AFG1L: variants seen among roughly 807,000 people sequenced by gnomAD.
AFG1L encodes AFG1-like ATPase.
In AFG1L, 53 loss-of-function variants were observed where a neutral mutation model predicts 62.2. The observed-to-expected ratio is 0.85, with a 90% CI of 0.68 to 1.07. The LOEUF is 1.07. Ranked by LOEUF, AFG1L falls within the 50% of genes least tolerant of loss-of-function variation. The pLI, the probability that AFG1L is intolerant of heterozygous loss-of-function variation, is 0.00. For missense variants in AFG1L, 555 were observed against 590.5 expected, an observed-to-expected ratio of 0.94 and a Z score of 0.62; for synonymous variants, 228 against 210.3, an observed-to-expected ratio of 1.08 and a Z score of -0.73.
intron 8 of AFG1L, among the ~76,000 whole-genome samples, chr6:108,462,066 G>T (rs1274128410): frequency 6.6e-6 from 1 of 151,820 alleles, no homozygotes; most frequent in African/African-American, 2.4e-5. Context: ...CTGCACTCTA[G>T]CCTGGGCGAC....
intron 10 of AFG1L, among the ~76,000 whole-genome samples, chr6:108,502,332 A>G (rs1168241839): frequency 6.6e-6 from 1 of 152,128 alleles, no homozygotes; most frequent in South Asian, 2.1e-4. Flanking sequence ...CAGCCTCCTG[A>G]GTAGCTGGGA....
intron 10 of AFG1L, among the ~76,000 whole-genome samples, chr6:108,480,501 A>G (rs1190125962): frequency 6.6e-6 from 1 of 152,188 alleles, no homozygotes; most frequent in Admixed American, 6.5e-5. Context: ...GTTCTGGACA[A>G]GTTTTTCCTC....
At chr6:108,338,743 G>A (rs780002197) in intron 2 of AFG1L, among the ~76,000 whole-genome samples, 1 of 152,152 alleles carries the variant, frequency 6.6e-6, no homozygotes, top group Non-Finnish European at 1.5e-5. Context: ...AATGCTTTAT[G>A]CAATAAACTT....
At chr6:108,499,474 ATGCC>A (rs949740414) in intron 10 of AFG1L, among the ~76,000 whole-genome samples, 51 of 150,512 alleles carry the variant, frequency 3.4e-4, no homozygotes, top group African/African-American at 1.2e-3. Context: ...ATGGTTGCTT[ATGCC>A]TGTAATCCCA....
Position 108,345,886 on chromosome 6 carries a change from G to C in AFG1L, c.364-1102G>C, listed in dbSNP as rs75634057. 4.3e-3 allele frequency among the ~76,000 whole-genome samples: 651 copies of C among 152,300 alleles called. 5 individuals are homozygous for C. Among genetic ancestry groups the C allele is most frequent in the African/African-American group, 0.014 (576 of 41,560 alleles). On this transcript the variant is annotated intron_variant, in intron 2 of 12. Coordinates refer to ENST00000368977, the MANE Select transcript of AFG1L (RefSeq NM_145315.5). Reference sequence around the variant, plus strand: ...TTTCTTTGGGAGAAGCTTAACCAGTGTAAGTGCCTTCTGGCCTTTTTATCT... The same window carrying C: ...TTTCTTTGGGAGAAGCTTAACCAGTCTAAGTGCCTTCTGGCCTTTTTATCT...
At chr6:108,434,510 C>T (rs1303971594) in intron 7 of AFG1L, among the ~76,000 whole-genome samples, 2 of 152,170 alleles carry the variant, frequency 1.3e-5, no homozygotes, top group African/African-American at 4.8e-5. Context: ...ATCCACTTCT[C>T]TCTCTCCTTA....
At chr6:108,425,628 A>ATGTG (rs1770777715) in intron 7 of AFG1L, among the ~76,000 whole-genome samples, 1 of 151,992 alleles carries the variant, frequency 6.6e-6, no homozygotes, top group African/African-American at 2.4e-5. Context: ...GTTGCACAAT[A>ATGTG]TGTGTGTGTG....
At chr6:108,418,447 A>G (rs898700198) in intron 7 of AFG1L, among the ~76,000 whole-genome samples, 4 of 152,202 alleles carry the variant, frequency 2.6e-5, no homozygotes, top group African/African-American at 7.2e-5. Context: ...TATAATATAC[A>G]AAGGGCAAAC....
rs1775284373 is a variant in AFG1L at position 108,525,294 on chromosome 6, A to T, written c.*2869A>T. 1 of 152,216 alleles carries T rather than the reference A, an allele frequency of 6.6e-6. No individual in the cohort carries two copies. 9.4% of individuals were successfully genotyped at this position (152,216 alleles called of 1,614,324 possible). ...ATTTCTTTAGGCAGTGTATGAGCTT[A>T]TTTGCTGATATCACTAATCCTGAGA... On this transcript the variant is annotated 3_prime_UTR_variant, in exon 13 of 13. Transcript: ENST00000368977.
intron 1 of AFG1L, among the ~76,000 whole-genome samples, chr6:108,309,215 T>G (rs1777315501): frequency 6.6e-6 from 1 of 152,252 alleles, no homozygotes; most frequent in African/African-American, 2.4e-5. Context: ...TTTATGTTTC[T>G]TTGTATGGAT....
rs529264935 is a variant in AFG1L, at chr6:108,353,656, G to T, written c.416-1998G>T. Reference sequence around the variant, plus strand: ...GATTTGCTTTACCCTAATGATTAGTGAATGCATTTTTGGTTAGATAATTCA... The same window carrying T: ...GATTTGCTTTACCCTAATGATTAGTTAATGCATTTTTGGTTAGATAATTCA... On this transcript the variant is annotated intron_variant, in intron 3 of 12. Coordinates refer to ENST00000368977, the MANE Select transcript of AFG1L (RefSeq NM_145315.5). Among the ~76,000 whole-genome samples, 23 of 151,708 alleles carry T rather than the reference G, an allele frequency of 1.5e-4. No homozygotes were observed. The South Asian group carries it at 4.8e-3, about 32-fold the overall frequency.
intron 6 of AFG1L, among the ~76,000 whole-genome samples, chr6:108,379,415 G>T (rs1780400859): frequency 6.6e-6 from 1 of 152,190 alleles, no homozygotes. Flanking sequence ...CAGTGTGTTT[G>T]GGTATATACT....
intron 1 of AFG1L, among the ~76,000 whole-genome samples, chr6:108,306,085 G>T (rs1777187404): frequency 6.6e-6 from 1 of 152,124 alleles, no homozygotes; most frequent in African/African-American, 2.4e-5. Context: ...TGTATTTTTA[G>T]TAGAGATGGG....
chr6:108,373,119 T>A (rs1780085691), intron 6 of AFG1L, among the ~76,000 whole-genome samples: 1 of 152,074 alleles, frequency 6.6e-6, no homozygotes, highest in South Asian at 2.1e-4. Flanking sequence ...AAGTTTGGGG[T>A]ACAAATGATC....
In AFG1L at chr6:108,323,719, A is replaced by T. The variant is rs1037858327; in HGVS notation, c.140-106A>T. On this transcript the variant is annotated intron_variant, in intron 1 of 12. Coordinates refer to ENST00000368977, the MANE Select transcript of AFG1L (RefSeq NM_145315.5). ...ACATTTACAAAAACTGCTCCAATAG[A>T]TATACTTGTAACTAGTTAAAAGTTT... is the stretch of plus-strand genomic sequence containing the variant. 2.2e-5 allele frequency: 16 copies of T among 711,630 alleles called. No individual in the cohort carries two copies. In the African/African-American group the frequency reaches 2.5e-4, roughly 11 times the overall value. 44.1% of individuals were successfully genotyped at this position (711,630 alleles called of 1,614,324 possible).
intron 1 of AFG1L, among the ~76,000 whole-genome samples, chr6:108,297,735 G>T (rs1776823139): frequency 6.6e-6 from 1 of 151,524 alleles, no homozygotes; most frequent in Admixed American, 6.6e-5. Context: ...CACGCCTGTA[G>T]TCCCAGCTAC....
At chr6:108,499,420 G>T (rs1019766229) in intron 10 of AFG1L, among the ~76,000 whole-genome samples, 1 of 151,738 alleles carries the variant, frequency 6.6e-6, no homozygotes, top group Non-Finnish European at 1.5e-5. Flanking sequence ...TGGGATAAAT[G>T]AAATTCCTGA....
chr6:108,347,124 C>T (rs1778893716), intron 3 of AFG1L, 85 bp downstream of exon 3: 4 of 1,130,540 alleles, frequency 3.5e-6, no homozygotes, highest in Admixed American at 1.7e-5. Context: ...TTCTATCCCT[C>T]AATCTGTTAC....
intron 10 of AFG1L, among the ~76,000 whole-genome samples, chr6:108,498,767 G>T (rs569833720): frequency 4.6e-4 from 70 of 152,214 alleles, no homozygotes; most frequent in African/African-American, 1.6e-3. Context: ...CTGAGATCAG[G>T]AGTTCAAGAC....
Sources: allele counts gnomAD v4.1 joint callset (sites outside exome capture counted in the v4.1 genomes callset), GRCh38; gene constraint gnomAD v4.1.1; transcripts MANE v1.5; gene names NCBI Gene and HGNC (gene_info 2026-07-23, HGNC 2026-07-21).